Variants in RGS20 observed in about 807,000 individuals in gnomAD.
RGS20 encodes the protein gz-selective GTPase-activating protein.
In RGS20, 30 loss-of-function variants were observed where a neutral mutation model predicts 33.6. That is an observed-to-expected ratio of 0.89 (90% CI 0.67 to 1.21). RGS20 has a LOEUF of 1.21. Among genes scored for constraint, RGS20 ranks in the 50% most tolerant of loss-of-function variants. The probability of loss-of-function intolerance (pLI) is 0.00; values close to 1 mark genes in which losing one functional copy is unlikely to be tolerated. For missense variants in RGS20, 472 were observed against 502.4 expected (o/e 0.94, Z 0.58); for synonymous variants, 208 against 197.9 (o/e 1.05, Z -0.43).
chr8:53,946,869 A>G (rs1814496591), intron 4 of RGS20, 121 bp downstream of exon 3: 2 of 744,658 alleles, frequency 2.7e-6, no homozygotes, highest in Admixed American at 6.3e-5. Context: ...AGTAATATCC[A>G]ATCATTATGT....
chr8:53,910,879 A>C (rs1813329809), intron 2 of RGS20, among the ~76,000 whole-genome samples: 1 of 152,246 alleles, frequency 6.6e-6, no homozygotes, highest in Admixed American at 6.5e-5. Context: ...GAAAAGGAAA[A>C]ACTATCATAT....
At chr8:53,876,850 C>G (rs191321630) in intron 1 of RGS20, among the ~76,000 whole-genome samples, 2 of 152,300 alleles carry the variant, frequency 1.3e-5, no homozygotes, top group African/African-American at 4.8e-5. Flanking sequence ...TTTCTTGGAT[C>G]AGGTTTGGGA....
intron 2 of RGS20, among the ~76,000 whole-genome samples, chr8:53,900,621 T>G (rs1327061902): frequency 2.6e-5 from 4 of 151,856 alleles, no homozygotes; most frequent in Non-Finnish European, 4.4e-5. Context: ...TTCACATACA[T>G]TCTCTCATTT....
chr8:53,951,670 A>G (rs561386608), intron 4 of RGS20, among the ~76,000 whole-genome samples: 1 of 152,316 alleles, frequency 6.6e-6, no homozygotes, highest in African/African-American at 2.4e-5. Flanking sequence ...ATTTCAAGGA[A>G]CATAATTAAT....
chr8:53,956,302 G>A (rs914241485), intron 5 of RGS20, among the ~76,000 whole-genome samples: 13 of 152,168 alleles, frequency 8.5e-5, no homozygotes, highest in African/African-American at 3.1e-4. Context: ...AGGAGACTTA[G>A]AGAAGGGGTA....
intron 4 of RGS20, among the ~76,000 whole-genome samples, chr8:53,949,975 G>T (rs1814662543): frequency 6.6e-6 from 1 of 151,708 alleles, no homozygotes; most frequent in Admixed American, 6.6e-5. Flanking sequence ...AAGTAACTGG[G>T]ATTACAGGCG....
Position 53,914,345 on chromosome 8 carries a change from G to T in RGS20, c.511-25231G>T, listed in dbSNP as rs544698243. Among the ~76,000 whole-genome samples the T allele has an allele frequency of 4.0e-3, 612 of 152,166 alleles. 1 individual carries two copies. Among genetic ancestry groups the T allele is most frequent in the Non-Finnish European group, 6.7e-3 (454 of 67,998 alleles). ...TTCTTTGATGCCAATCCAATTTTAG[G>T]TTCTTAACCTTGGTACTTTGGGTCC... On this transcript the variant is annotated intron_variant, in intron 2 of 5. Transcript: ENST00000297313.
chr8:53,890,473 T>A (rs775734970), intron 2 of RGS20, among the ~76,000 whole-genome samples: 1 of 152,254 alleles, frequency 6.6e-6, no homozygotes, highest in Admixed American at 6.5e-5. Flanking sequence ...ATTTTTATTA[T>A]ATGTAGACAT....
intron 2 of RGS20, among the ~76,000 whole-genome samples, chr8:53,907,152 A>G (rs1813203614): frequency 2.0e-5 from 3 of 152,222 alleles, no homozygotes. Flanking sequence ...GCTTGGTATC[A>G]GAGCTGCCTT....
chr8:53,900,367 C>G (rs1035978435), intron 2 of RGS20, among the ~76,000 whole-genome samples: 1 of 152,042 alleles, frequency 6.6e-6, no homozygotes, highest in Non-Finnish European at 1.5e-5. Context: ...GTCTCAAACT[C>G]CTGGACTTAA....
At chr8:53,930,712 A>G (rs1813929804) in intron 2 of RGS20, among the ~76,000 whole-genome samples, 1 of 151,702 alleles carries the variant, frequency 6.6e-6, no homozygotes, top group Non-Finnish European at 1.5e-5. Context: ...CACTCAGCTA[A>G]TTTTTTTTGT....
At chr8:53,900,023 G>A (rs958660080) in intron 2 of RGS20, among the ~76,000 whole-genome samples, 3 of 152,084 alleles carry the variant, frequency 2.0e-5, no homozygotes, top group Admixed American at 6.6e-5. Flanking sequence ...TTTTGTCACC[G>A]CTTGCGTGTC....
chr8:53,881,754 G>C (rs974700788), intron 2 of RGS20, among the ~76,000 whole-genome samples: 1 of 152,160 alleles, frequency 6.6e-6, no homozygotes, highest in Non-Finnish European at 1.5e-5. Context: ...TCCACCCTTC[G>C]CCTGCGCCAG....
chr8:53,946,380 A>G (rs777229026), intron 3 of RGS20, among the ~76,000 whole-genome samples: 12 of 152,166 alleles, frequency 7.9e-5, no homozygotes, highest in Admixed American at 5.2e-4. Context: ...ACTATTTTCT[A>G]ATGAATGTTT....
intron 1 of RGS20, among the ~76,000 whole-genome samples, chr8:53,865,550 A>G (rs1271731534): frequency 6.6e-6 from 1 of 152,218 alleles, no homozygotes. Context: ...TTTAACAGAT[A>G]TTCATTAAGT....
chr8:53,958,274 G>A lies in RGS20; in HGVS notation c.983G>A (p.Ser328Asn), dbSNP rs1264877390. The A allele has an allele frequency of 6.2e-7, 1 of 1,607,600 alleles. No individual in the cohort carries two copies. The highest frequency in any genetic ancestry group is 8.5e-7 in the Non-Finnish European group (1 of 1,176,322). The change falls in exon 6 of 6, where the codon AGC becomes AAC. Residue 328 changes from serine (S) to asparagine (N), a missense_variant. By Grantham distance (46) the Ser-to-Asn change is conservative. This residue lies in a region of RGS20 where 125 missense variants were observed against 169.5 expected (regional missense o/e 0.74). Coordinates refer to ENST00000297313, the MANE Select transcript of RGS20 (RefSeq NM_170587.4). The stretch of plus-strand genomic sequence containing the variant: ...CCTACTCGTTTCTGTCGACAGGTGA[G>A]CTTAGACTCCCGGGTGAGAGAAGTG...
rs1812900691 is a variant in RGS20, at chr8:53,897,540, C to A, written c.510+17938C>A. ...CTTTATAATATCCATATAGTAACCACAATACATTTGTCATACCCAACAAAA... is the reference window on the plus strand; with the variant it reads ...CTTTATAATATCCATATAGTAACCAAAATACATTTGTCATACCCAACAAAA... On this transcript the variant is annotated intron_variant, in intron 2 of 5. Coordinates refer to ENST00000297313, the MANE Select transcript of RGS20 (RefSeq NM_170587.4). Among the ~76,000 whole-genome samples, 3 of 152,222 alleles carry A rather than the reference C, an allele frequency of 2.0e-5. No individual in the cohort carries two copies. In the South Asian group the frequency reaches 6.2e-4, roughly 32 times the overall value.
Position 53,879,601 on chromosome 8 carries a change from C to G in RGS20, c.509C>G (p.Pro170Arg), listed in dbSNP as rs1239796743. The stretch of plus-strand genomic sequence containing the variant: ...ACCGCTGGGCAGAGCTCGCCTATGC[C>G]GGTGAGTACCGTGGTCTCCACTACG... The change falls in exon 2 of 6, where the codon CCG becomes CGG. Residue 170 changes from proline to arginine, a missense_variant and splice_region_variant. Around this residue, in one of 3 missense-constraint regions of RGS20, gnomAD observed 319 missense variants for 283.4 expected, o/e 1.13. Transcript: ENST00000297313. 6.7e-7 allele frequency: 1 copy of G among 1,496,782 alleles called. No individual in the cohort carries two copies. Among genetic ancestry groups the G allele is most frequent in the Non-Finnish European group, 8.9e-7 (1 of 1,126,878 alleles). 92.7% of individuals were successfully genotyped at this position (1,496,782 alleles called of 1,614,324 possible). A position where few individuals can be genotyped will look rare whatever the true frequency, so the allele number is the denominator to read the frequency against.
At chr8:53,867,554 C>G (rs1123133) in intron 1 of RGS20, among the ~76,000 whole-genome samples, 6,381 of 152,232 alleles carry the variant, frequency 0.042, 193 homozygotes, top group East Asian at 0.14. Context: ...GGTGTGCACT[C>G]TTTACTGTGT....
Sources: gnomAD v4.1 joint callset for allele counts (sites outside exome capture counted in the v4.1 genomes callset) on GRCh38, gnomAD v4.1.1 for gene constraint, gnomAD v4.1.1 regional missense constraint, MANE v1.5 for transcripts, NCBI Gene and HGNC (gene_info 2026-07-23, HGNC 2026-07-21) for gene names.